The following DMXL2 variants were observed in gnomAD, a reference collection of about 807,000 sequenced individuals.
DMXL2 encodes the protein dmX-like protein 2.
In DMXL2, 103 loss-of-function variants were observed where a neutral mutation model predicts 331.1. That is an observed-to-expected ratio of 0.31 (90% CI 0.27 to 0.37). The LOEUF is 0.37. Among genes scored for constraint, DMXL2 ranks in the 10% least tolerant of loss-of-function variants. The probability of loss-of-function intolerance (pLI) is 1.00; values close to 1 mark genes in which losing one functional copy is unlikely to be tolerated. For missense variants in DMXL2, 3,171 were observed against 3,642.9 expected, an observed-to-expected ratio of 0.87 and a Z score of 3.33; for synonymous variants, 1,281 against 1,252.1, an observed-to-expected ratio of 1.02 and a Z score of -0.49.
intron 23 of DMXL2, among the ~76,000 whole-genome samples, chr15:51,483,653 C>A (rs971387130): frequency 6.6e-6 from 1 of 151,680 alleles, no homozygotes; most frequent in Non-Finnish European, 1.5e-5. Context: ...CAGCGTGCAG[C>A]GCCCCTGCTC....
Position 51,563,420 on chromosome 15 carries a change from T to C in DMXL2, c.528A>G (p.Glu176=). ...CKTSVSVHLM[E]WSPDGEYFAT... The stretch of plus-strand genomic sequence containing the variant: ...CAAAATATTCACCATCAGGAGACCA[T>C]TCCATCAAATGTACAGATACTGAGG... The change falls in exon 6 of 44, where the codon GAA becomes GAG. Residue 176 remains glutamate, a synonymous_variant. Transcript: ENST00000560891. 2.5e-6 allele frequency: 4 copies of C among 1,609,936 alleles called. No individual in the cohort carries two copies. Among genetic ancestry groups the C allele is most frequent in the African/African-American group, 1.3e-5 (1 of 74,800 alleles).
chr15:51,498,435 T>A, intron 18 of DMXL2, 117 bp downstream of exon 18: 1 of 997,234 alleles, frequency 1.0e-6, no homozygotes, highest in Non-Finnish European at 1.5e-6. Context: ...ATTAAGGAGG[T>A]CTTTTCCCTG....
intron 15 of DMXL2, among the ~76,000 whole-genome samples, chr15:51,509,464 G>T (rs2046620047): frequency 6.6e-6 from 1 of 152,190 alleles, no homozygotes; most frequent in Admixed American, 6.5e-5. Context: ...TAGAAGAAAT[G>T]GATAAATTCC....
chr15:51,512,452 T>A (rs1263117453), intron 15 of DMXL2, among the ~76,000 whole-genome samples: 1 of 152,174 alleles, frequency 6.6e-6, no homozygotes, highest in African/African-American at 2.4e-5. Flanking sequence ...AGCAAATATG[T>A]AAGGAAGTTA....
chr15:51,508,265 G>A (rs566734155), intron 15 of DMXL2, among the ~76,000 whole-genome samples: 11 of 152,172 alleles, frequency 7.2e-5, no homozygotes, highest in East Asian at 1.9e-4. Flanking sequence ...ACCATGGCAC[G>A]TGTAAACCTA....
intron 1 of DMXL2, among the ~76,000 whole-genome samples, chr15:51,578,985 G>GT (rs2051230402): frequency 6.6e-6 from 1 of 152,146 alleles, no homozygotes. Flanking sequence ...CACGACTGCA[G>GT]TCCCAGCTAC....
intron 8 of DMXL2, among the ~76,000 whole-genome samples, chr15:51,545,096 A>G (rs2048818982): frequency 6.6e-6 from 1 of 152,092 alleles, no homozygotes; most frequent in East Asian, 1.9e-4. Context: ...TCAATCATGG[A>G]AACTCCAAAG....
intron 6 of DMXL2, 21 bp downstream of exon 6, chr15:51,563,360 T>C (rs778961520): frequency 6.5e-7 from 1 of 1,545,710 alleles, no homozygotes; most frequent in Admixed American, 1.9e-5. Flanking sequence ...TTATTTCGTA[T>C]GTTTTTGTTT....
chr15:51,453,076 G>A (rs899506106), intron 41 of DMXL2, among the ~76,000 whole-genome samples: 3 of 152,106 alleles, frequency 2.0e-5, no homozygotes, highest in Admixed American at 1.3e-4. Flanking sequence ...AATGGACTCT[G>A]GGGGCTTGGG....
intron 29 of DMXL2, among the ~76,000 whole-genome samples, chr15:51,469,037 AATC>A (rs1175870961): frequency 6.6e-6 from 1 of 152,150 alleles, no homozygotes; most frequent in African/African-American, 2.4e-5. Flanking sequence ...GCAAGGTATG[AATC>A]ATATTTTAGA....
chr15:51,517,618 C>CA (rs1163244502), intron 13 of DMXL2, among the ~76,000 whole-genome samples: 1 of 152,204 alleles, frequency 6.6e-6, no homozygotes, highest in Admixed American at 6.5e-5. Context: ...CCCAAAATCC[C>CA]AAAACTTTCT....
chr15:51,598,702 C>T (rs779614354), intron 1 of DMXL2, among the ~76,000 whole-genome samples: 31 of 152,294 alleles, frequency 2.0e-4, no homozygotes, highest in Admixed American at 7.2e-4. Flanking sequence ...GGGTTTGGGG[C>T]AGGAATACCA....
chr15:51,528,053 T>A (rs2047780645), intron 13 of DMXL2, among the ~76,000 whole-genome samples: 1 of 151,504 alleles, frequency 6.6e-6, no homozygotes. Context: ...TTTGCAAGCT[T>A]CATGGTAACC....
At chr15:51,590,003 G>C (rs2052168716) in intron 1 of DMXL2, among the ~76,000 whole-genome samples, 1 of 152,128 alleles carries the variant, frequency 6.6e-6, no homozygotes, top group Non-Finnish European at 1.5e-5. Context: ...CAAATGTATT[G>C]TTCATCTTAT....
chr15:51,574,152 G>C (rs879564048), intron 2 of DMXL2, among the ~76,000 whole-genome samples: 18 of 152,166 alleles, frequency 1.2e-4, no homozygotes, highest in Admixed American at 6.5e-5. Flanking sequence ...CTGGGGGAAA[G>C]AGCTGATGAA....
chr15:51,592,393 G>C (rs190971507), intron 1 of DMXL2, among the ~76,000 whole-genome samples: 34 of 151,618 alleles, frequency 2.2e-4, no homozygotes, highest in African/African-American at 8.0e-4. Context: ...AACGAACAAA[G>C]CCTCCAAGAA....
At chr15:51,484,572 T>C (rs1356566967) in intron 23 of DMXL2, among the ~76,000 whole-genome samples, 1 of 152,154 alleles carries the variant, frequency 6.6e-6, no homozygotes, top group East Asian at 1.9e-4. Flanking sequence ...TCTTTCCCTA[T>C]GAAACCTACT....
chr15:51,509,974 G>C (rs1243470362), intron 15 of DMXL2, among the ~76,000 whole-genome samples: 1 of 152,106 alleles, frequency 6.6e-6, no homozygotes, highest in Non-Finnish European at 1.5e-5. Flanking sequence ...TATCTCAATA[G>C]ATACAGAAAA....
chr15:51,596,899 C>A (rs1006204288), intron 1 of DMXL2, among the ~76,000 whole-genome samples: 1 of 152,022 alleles, frequency 6.6e-6, no homozygotes, highest in Non-Finnish European at 1.5e-5. Flanking sequence ...GGAAGGGGAA[C>A]ATCACACACC....
Sources: gnomAD v4.1 joint callset for allele counts (sites outside exome capture counted in the v4.1 genomes callset) on GRCh38, gnomAD v4.1.1 for gene constraint, MANE v1.5 for transcripts, NCBI Gene and HGNC (gene_info 2026-07-23, HGNC 2026-07-21) for gene names.